ULK2: variants seen among roughly 807,000 people sequenced by gnomAD.
ULK2 encodes serine/threonine-protein kinase ULK2.
A neutral mutation model predicts 127.5 loss-of-function variants in ULK2; 76 were observed. The observed-to-expected ratio is 0.60, with a 90% CI of 0.50 to 0.72. ULK2 has a LOEUF of 0.72. ULK2 is among the 30% of genes least tolerant of loss of function. The pLI is 0.00. For missense variants in ULK2, 1,144 were observed against 1,295.9 expected (o/e 0.88, Z 1.80); for synonymous variants, 452 against 461.9 (o/e 0.98, Z 0.28).
At chr17:19,793,324 T>C (rs1265168801) in intron 20 of ULK2, among the ~76,000 whole-genome samples, 4 of 152,136 alleles carry the variant, frequency 2.6e-5, no homozygotes, top group African/African-American at 9.7e-5. Flanking sequence ...CAATTCAAGA[T>C]GAGATTTGGG....
At position 19,836,331 on chromosome 17, in the gene ULK2, C is replaced by A. The variant is rs560400621; in HGVS notation, c.787+2170G>T. 1.4e-3 allele frequency among the ~76,000 whole-genome samples: 212 copies of A among 152,268 alleles called. 1 individual carries two copies. Among genetic ancestry groups the A allele is most frequent in the African/African-American group, 5.0e-3 (207 of 41,558 alleles). Reference sequence around the variant, plus strand: ...GGCTAAGGCAGGAGAATCGCTTGAACCCGGGAGACGGAGGTTGCAGTGAGC... The same window carrying A: ...GGCTAAGGCAGGAGAATCGCTTGAAACCGGGAGACGGAGGTTGCAGTGAGC... On this transcript the variant is annotated intron_variant, in intron 10 of 26. Coordinates refer to ENST00000395544, the MANE Select transcript of ULK2 (RefSeq NM_014683.4).
At position 19,774,851 on chromosome 17, in the gene ULK2, G is replaced by T. The variant is rs2086787969; in HGVS notation, c.*1498C>A. 6.6e-6 allele frequency: 1 copy of T among 152,556 alleles called. No individual in the cohort carries two copies. Among genetic ancestry groups the T allele is most frequent in the Non-Finnish European group, 1.5e-5 (1 of 68,040 alleles). 9.5% of individuals were successfully genotyped at this position (152,556 alleles called of 1,614,324 possible). A position where few individuals can be genotyped will look rare whatever the true frequency, so the allele number is the denominator to read the frequency against. ...AGTTTTACCTAGTTTCAAGAATAAT[G>T]CATGCAGTTACAAATGAGAGGTAGA... On this transcript the variant is annotated 3_prime_UTR_variant, in exon 27 of 27. Transcript: ENST00000395544.
chr17:19,822,807 C>T (rs148713710), intron 12 of ULK2, among the ~76,000 whole-genome samples: 103 of 152,224 alleles, frequency 6.8e-4, no homozygotes, highest in African/African-American at 2.4e-3. Flanking sequence ...CTGCCTCAGC[C>T]TCTCGAGTAG....
rs777829637 is a variant in ULK2, at chr17:19,845,293, C to T, written c.543+11G>A. 11 of 1,611,072 alleles carry T rather than the reference C, an allele frequency of 6.8e-6. No homozygotes were observed. Among genetic ancestry groups the T allele is most frequent in the Non-Finnish European group, 8.5e-6 (10 of 1,177,742 alleles). ...TGCTTTAAACACACAAGGATGCAAA[C>T]ACTCACTCACCATGTACATCGGGGA... On this transcript the variant is annotated intron_variant, in intron 7 of 26. Coordinates refer to ENST00000395544, the MANE Select transcript of ULK2 (RefSeq NM_014683.4).
chr17:19,846,445 GC>G (rs1329311468), intron 6 of ULK2, among the ~76,000 whole-genome samples: 2 of 152,036 alleles, frequency 1.3e-5, no homozygotes, highest in East Asian at 3.9e-4. Context: ...TTCAAGACCA[GC>G]CTGGCCAACA....
chr17:19,865,137 T>C (rs1327983417), intron 2 of ULK2, among the ~76,000 whole-genome samples: 1 of 152,198 alleles, frequency 6.6e-6, no homozygotes, highest in Non-Finnish European at 1.5e-5. Flanking sequence ...ACGCTTGTAT[T>C]AGTTTGGAAA....
At chr17:19,778,661 CCTAGA>C (rs765933788) in intron 25 of ULK2, among the ~76,000 whole-genome samples, 23 of 152,090 alleles carry the variant, frequency 1.5e-4, no homozygotes, top group Non-Finnish European at 3.1e-4. Context: ...CGCTCTGTTG[CCTAGA>C]CTAATCTTGA....
chr17:19,864,259 G>A (rs981087159), intron 3 of ULK2, among the ~76,000 whole-genome samples: 5 of 152,204 alleles, frequency 3.3e-5, no homozygotes, highest in African/African-American at 1.2e-4. Flanking sequence ...CTTGAGGTCA[G>A]GAGTTCGAGA....
rs1156759155 is a variant in ULK2, at chr17:19,810,335, AAATAT to A, written c.1157+38_1157+42del. The A allele has an allele frequency of 3.0e-6, 4 of 1,318,018 alleles. No individual in the cohort carries two copies. In the Admixed American group the frequency reaches 6.0e-5, roughly 20 times the overall value. The allele number at this position is 1,318,018 out of a possible 1,614,324, so 81.6% of individuals were successfully genotyped here. ...TTCTATAACCTTACTCACAAAAATAAAATATAAAACAAATTTTAATAAGATAATGT... is the reference window on the plus strand; with the variant it reads ...TTCTATAACCTTACTCACAAAAATAAAAAACAAATTTTAATAAGATAATGT... On this transcript the variant is annotated intron_variant, in intron 14 of 26. Coordinates refer to ENST00000395544, the MANE Select transcript of ULK2 (RefSeq NM_014683.4).
At position 19,777,664 on chromosome 17, in the gene ULK2, T is replaced by C. The variant is rs758717288; in HGVS notation, c.2969A>G (p.Tyr990Cys). The change falls in exon 26 of 27, where the codon TAT becomes TGT. Residue 990 changes from tyrosine to cysteine, a missense_variant. Physicochemically the swap from Tyr to Cys is radical, Grantham distance 194. Transcript: ENST00000395544. Reference protein sequence around the residue: ...EMFQQTEDIVYRYHKAALLLE... With the variant: ...EMFQQTEDIVCRYHKAALLLE... ...AAGAAGGGCTGCCTTATGATAGCGATAAACAATATCTTCGGTCTGCTGAAA... is the reference window on the plus strand; with the variant it reads ...AAGAAGGGCTGCCTTATGATAGCGACAAACAATATCTTCGGTCTGCTGAAA... 3 of 1,614,132 alleles carry C rather than the reference T, an allele frequency of 1.9e-6. No homozygotes were observed. The highest frequency in any genetic ancestry group is 1.1e-5 in the South Asian group (1 of 91,078).
chr17:19,808,674 G>A (rs1421509872), intron 14 of ULK2, among the ~76,000 whole-genome samples: 2 of 152,134 alleles, frequency 1.3e-5, no homozygotes, highest in East Asian at 3.8e-4. Flanking sequence ...TATAAGAAAA[G>A]ATGTTCAATA....
chr17:19,814,438 A>ATATTTTTTTTTTTT (rs1318303261), intron 13 of ULK2, among the ~76,000 whole-genome samples: 1 of 23,330 alleles, frequency 4.3e-5, no homozygotes, highest in Non-Finnish European at 7.6e-5. Context: ...ATATATATAT[A>ATATTTTTTTTTTTT]TTTTTTTTTT....
chr17:19,866,470 G>T (rs544882516), intron 1 of ULK2, among the ~76,000 whole-genome samples: 2 of 151,922 alleles, frequency 1.3e-5, no homozygotes. Flanking sequence ...ATCTCGCCAC[G>T]GCACTCCAGC....
chr17:19,830,518 T>C (rs3101815), intron 10 of ULK2, among the ~76,000 whole-genome samples: 146,065 of 152,066 alleles, frequency 0.96, 70,340 homozygotes, highest in African/African-American at 0.99. Flanking sequence ...TTTTAAAAGA[T>C]TGTAATCACG....
At chr17:19,796,041 T>C in intron 19 of ULK2, 54 bp downstream of exon 19, 1 of 1,551,834 alleles carries the variant, frequency 6.4e-7, no homozygotes, top group Non-Finnish European at 8.7e-7. Flanking sequence ...CAGAAATCTA[T>C]GTTTTACTAT....
At chr17:19,832,502 G>A (rs1488543183) in intron 10 of ULK2, among the ~76,000 whole-genome samples, 1 of 152,046 alleles carries the variant, frequency 6.6e-6, no homozygotes, top group Non-Finnish European at 1.5e-5. Flanking sequence ...GAGTTTAACT[G>A]ATCTGCCCAT....
chr17:19,848,516 C>T (rs2041944651), intron 5 of ULK2, among the ~76,000 whole-genome samples: 1 of 152,142 alleles, frequency 6.6e-6, no homozygotes, highest in African/African-American at 2.4e-5. Context: ...GTGTGGCTCA[C>T]GCCTGTAATC....
At chr17:19,812,300 G>T (rs1567695137) in intron 13 of ULK2, among the ~76,000 whole-genome samples, 2 of 152,120 alleles carry the variant, frequency 1.3e-5, no homozygotes, top group African/African-American at 2.4e-5. Flanking sequence ...TGGAGGGAGG[G>T]GTGAGTAACT....
Position 19,804,617 on chromosome 17 carries a change from C to T in ULK2, c.1295+76G>A, listed in dbSNP as rs182211751. ...TAAGACACTATGCCACAGAAAGTAA[C>T]ATATCTTCCAATATCAATAAATTTT... On this transcript the variant is annotated intron_variant, in intron 15 of 26. Coordinates refer to ENST00000395544, the MANE Select transcript of ULK2 (RefSeq NM_014683.4). 1.8e-3 allele frequency: 2,680 copies of T among 1,482,938 alleles called. 11 individuals carry two copies. The highest frequency in any genetic ancestry group is 2.3e-3 in the South Asian group (163 of 69,446). 91.9% of individuals were successfully genotyped at this position (1,482,938 alleles called of 1,614,324 possible). A position where few individuals can be genotyped will look rare whatever the true frequency, so the allele number is the denominator to read the frequency against.
Sources: gnomAD v4.1 joint callset for allele counts (sites outside exome capture counted in the v4.1 genomes callset) on GRCh38, gnomAD v4.1.1 for gene constraint, MANE v1.5 for transcripts, NCBI Gene and HGNC (gene_info 2026-07-23, HGNC 2026-07-21) for gene names.